CHSY1: variants seen among roughly 807,000 people sequenced by gnomAD.
CHSY1 encodes the protein chondroitin sulfate synthase 1, also known as N-acetylgalactosaminyl-proteoglycan 3-beta-glucuronosyltransferase 1.
CHSY1 carries 13 observed loss-of-function variants against 59.8 expected under a neutral mutation model. That is an observed-to-expected ratio of 0.22 (90% CI 0.14 to 0.35). The LOEUF is 0.35. Among genes scored for constraint, CHSY1 ranks in the 10% least tolerant of loss-of-function variants. The pLI is 1.00. For missense variants in CHSY1, 947 were observed against 1,030.6 expected, an observed-to-expected ratio of 0.92 and a Z score of 1.11; for synonymous variants, 459 against 401.2, an observed-to-expected ratio of 1.14 and a Z score of -1.72.
intron 1 of CHSY1, among the ~76,000 whole-genome samples, chr15:101,249,301 T>A (rs2039083186): frequency 6.6e-6 from 1 of 151,300 alleles, no homozygotes; most frequent in East Asian, 1.9e-4. Flanking sequence ...CACACTAGAG[T>A]CATGCGGATT....
Position 101,235,290 on chromosome 15 carries a change from G to A in CHSY1, c.608C>T (p.Thr203Ile). 6.2e-7 allele frequency: 1 copy of A among 1,614,172 alleles called. No homozygotes were observed. The highest frequency in any genetic ancestry group is 8.5e-7 in the Non-Finnish European group (1 of 1,180,038). The change falls in exon 2 of 3, where the codon ACC (threonine) becomes ATC (isoleucine). Residue 203 changes from threonine (T) to isoleucine (I), a missense_variant. By Grantham distance (89) the Thr-to-Ile change is moderately conservative. This residue lies in a region of CHSY1 where 108 missense variants were observed against 144.4 expected (regional missense o/e 0.75). Coordinates refer to ENST00000254190, the MANE Select transcript of CHSY1 (RefSeq NM_014918.5). ...PLFLGQTGLG[T>I]TEEMGKLALE... is the part of the protein sequence containing the mutation. Reference sequence around the variant, plus strand: ...GGCCAGTTTTCCCATTTCTTCCGTGGTGCCCAGGCCTGTCTGCCCAAGAAA... The same window carrying A: ...GGCCAGTTTTCCCATTTCTTCCGTGATGCCCAGGCCTGTCTGCCCAAGAAA...
chr15:101,229,846 G>A (rs919838598), intron 2 of CHSY1, among the ~76,000 whole-genome samples: 2 of 152,174 alleles, frequency 1.3e-5, no homozygotes, highest in East Asian at 3.9e-4. Flanking sequence ...GGCAGAGGTT[G>A]CAGTGAGCTG....
chr15:101,192,997 C>T (rs1473167978), intron 2 of CHSY1, among the ~76,000 whole-genome samples: 2 of 152,232 alleles, frequency 1.3e-5, no homozygotes, highest in Non-Finnish European at 2.9e-5. Flanking sequence ...TAACATCTCT[C>T]GGAAGCTATA....
Position 101,251,397 on chromosome 15 carries a change from G to A in CHSY1, c.60C>T (p.Phe20=). 2 of 1,166,930 alleles carry A rather than the reference G, an allele frequency of 1.7e-6. No homozygotes were observed. Among genetic ancestry groups the A allele is most frequent in the East Asian group, 9.5e-5 (1 of 10,570 alleles). The allele number at this position is 1,166,930 out of a possible 1,614,324, so 72.3% of individuals were successfully genotyped here. The change falls in exon 1 of 3, where the codon TTC becomes TTT. Residue 20 remains phenylalanine (F), a synonymous_variant. Coordinates refer to ENST00000254190, the MANE Select transcript of CHSY1 (RefSeq NM_014918.5). ...GCAGGACGAGCCGCGAGGCCAGCAC[G>A]AAGCCCAGGACGAGCCCGAGCAGCA... ...LSVLLGLVLG[F]VLASRLVLPR... is the part of the protein sequence containing the mutation.
intron 1 of CHSY1, among the ~76,000 whole-genome samples, chr15:101,246,282 AAAAC>A (rs1178724284): frequency 6.6e-6 from 1 of 152,176 alleles, no homozygotes; most frequent in Non-Finnish European, 1.5e-5. Context: ...GGTAAGAACC[AAAAC>A]AAACAAAAGG....
chr15:101,229,762 C>G (rs1022305263), intron 2 of CHSY1, among the ~76,000 whole-genome samples: 2 of 151,868 alleles, frequency 1.3e-5, no homozygotes, highest in Admixed American at 6.6e-5. Flanking sequence ...CAAAATTTAG[C>G]TGGGCATGGT....
intron 2 of CHSY1, among the ~76,000 whole-genome samples, chr15:101,225,835 A>G (rs1318652376): frequency 6.6e-6 from 1 of 152,218 alleles, no homozygotes; most frequent in South Asian, 2.1e-4. Context: ...AATTGAGGTG[A>G]TAACAGCTGT....
intron 1 of CHSY1, among the ~76,000 whole-genome samples, chr15:101,250,022 C>A (rs924960557): frequency 6.6e-6 from 1 of 152,176 alleles, no homozygotes; most frequent in Non-Finnish European, 1.5e-5. Context: ...CAAGGGAGAC[C>A]ATATATGCTT....
intron 1 of CHSY1, among the ~76,000 whole-genome samples, chr15:101,245,551 A>C (rs1213632513): frequency 2.0e-5 from 3 of 152,194 alleles, no homozygotes; most frequent in Non-Finnish European, 4.4e-5. Flanking sequence ...CTGTATTTGG[A>C]ATCTACTGTT....
At chr15:101,213,242 A>G (rs528673602) in intron 2 of CHSY1, among the ~76,000 whole-genome samples, 1 of 152,312 alleles carries the variant, frequency 6.6e-6, no homozygotes, top group African/African-American at 2.4e-5. Flanking sequence ...CTTGACAACT[A>G]TATCCTAAAA....
intron 2 of CHSY1, among the ~76,000 whole-genome samples, chr15:101,222,764 G>A (rs1454886950): frequency 6.6e-6 from 1 of 152,140 alleles, no homozygotes; most frequent in Non-Finnish European, 1.5e-5. Flanking sequence ...CAGAGCTGAT[G>A]TGTCTTTCTC....
intron 2 of CHSY1, among the ~76,000 whole-genome samples, chr15:101,198,311 T>A (rs2038530922): frequency 6.6e-6 from 1 of 152,066 alleles, no homozygotes; most frequent in South Asian, 2.1e-4. Context: ...GACCCCTCAA[T>A]GACAAGGAAC....
chr15:101,236,357 A>G (rs2038942406), intron 1 of CHSY1, among the ~76,000 whole-genome samples: 1 of 151,990 alleles, frequency 6.6e-6, no homozygotes, highest in Non-Finnish European at 1.5e-5. Flanking sequence ...CTTCCCCCAC[A>G]CTGTTCTCAT....
rs1401364804 is a variant in CHSY1, at chr15:101,216,716, C to T, written c.816+18366G>A. ...GTAAAAAGATCAGTGGTGCCAAGGA[C>T]CTAGCAGTTGGGAAGGAGGGAGAAG... On this transcript the variant is annotated intron_variant, in intron 2 of 2. Transcript: ENST00000254190. Among the ~76,000 whole-genome samples, 5 of 143,114 alleles carry T rather than the reference C, an allele frequency of 3.5e-5. No individual in the cohort carries two copies. In the Admixed American group the frequency reaches 4.2e-4, roughly 12 times the overall value. 93.9% of individuals were successfully genotyped at this position (143,114 alleles called of 152,430 possible). A position where few individuals can be genotyped will look rare whatever the true frequency, so the allele number is the denominator to read the frequency against.
At chr15:101,235,672 A>G in intron 1 of CHSY1, 95 bp from the exon 2 acceptor site, 1 of 1,384,956 alleles carries the variant, frequency 7.2e-7, no homozygotes, top group Non-Finnish European at 1.0e-6. Flanking sequence ...GCCGTGTTCA[A>G]TGGAATGATA....
rs56793692 is a variant in CHSY1, at chr15:101,204,435, AAATAATAATAAT to A, written c.817-25467_817-25456del. Reference sequence around the variant, plus strand: ...GGCAGTAAGAGCGAAACTCCATCTCAAATAATAATAATAATAATAATAATAATAATAATAATG... The same window carrying A: ...GGCAGTAAGAGCGAAACTCCATCTCAAATAATAATAATAATAATAATAATG... On this transcript the variant is annotated intron_variant, in intron 2 of 2. Coordinates refer to ENST00000254190, the MANE Select transcript of CHSY1 (RefSeq NM_014918.5). Among the ~76,000 whole-genome samples, 113 of 143,942 alleles carry A rather than the reference AAATAATAATAAT, an allele frequency of 7.9e-4. 1 individual carries two copies. The South Asian group carries it at 9.8e-3, about 13-fold the overall frequency. The allele number at this position is 143,942 out of a possible 152,430, so 94.4% of individuals were successfully genotyped here.
intron 2 of CHSY1, among the ~76,000 whole-genome samples, chr15:101,231,239 T>C (rs935845062): frequency 6.6e-6 from 1 of 152,168 alleles, no homozygotes; most frequent in Admixed American, 6.5e-5. Context: ...GAACTGGAAA[T>C]AGCCCGAACG....
chr15:101,228,543 C>T (rs1165033273), intron 2 of CHSY1, among the ~76,000 whole-genome samples: 2 of 151,896 alleles, frequency 1.3e-5, no homozygotes, highest in East Asian at 3.9e-4. Flanking sequence ...ACCATGAAGG[C>T]CAGAAAGCAT....
At chr15:101,179,644 C>T (rs1054342271) in intron 2 of CHSY1, among the ~76,000 whole-genome samples, 1 of 152,234 alleles carries the variant, frequency 6.6e-6, no homozygotes, top group Admixed American at 6.5e-5. Flanking sequence ...CCCAGGTCTT[C>T]TGTGGAGGCA....
Sources: gnomAD v4.1 joint callset for allele counts (sites outside exome capture counted in the v4.1 genomes callset) on GRCh38, gnomAD v4.1.1 for gene constraint, gnomAD v4.1.1 regional missense constraint, MANE v1.5 for transcripts, NCBI Gene and HGNC (gene_info 2026-07-23, HGNC 2026-07-21) for gene names.